The following DLGAP2 variants were observed in gnomAD, a reference collection of about 807,000 sequenced individuals.
DLGAP2 encodes DLG associated protein 2.
Under a neutral mutation model 100.3 loss-of-function variants are expected in DLGAP2, and 26 were observed. The ratio of observed to expected loss-of-function variants is 0.26; its 90% CI spans 0.19 to 0.36. DLGAP2 has a LOEUF of 0.36. DLGAP2 is among the 10% of genes least tolerant of loss of function. DLGAP2 has a pLI of 1.00. For synonymous variants in DLGAP2, 886 were observed against 630.1 expected (o/e 1.41, Z -6.08); for missense variants, 1,858 against 1,453.2 (o/e 1.28, Z -4.53).
At chr8:1,447,002 T>C (rs1401973211) in intron 3 of DLGAP2, among the ~76,000 whole-genome samples, 1 of 152,184 alleles carries the variant, frequency 6.6e-6, no homozygotes, top group African/African-American at 2.4e-5. Flanking sequence ...GCTGAGACAA[T>C]GGGGTTTTCT....
In DLGAP2 at chr8:770,885, TA is replaced by T. The variant is rs1821338461; in HGVS notation, c.18+33063del. On this transcript the variant is annotated intron_variant, in intron 1 of 14. Transcript: ENST00000637795. ...AGAAATTATGCCTCTTTTTTTTTTT[TA>T]AAGTAGAAGGACTCTTAGGGATGGA... Among the ~76,000 whole-genome samples the T allele has an allele frequency of 1.3e-5, 2 of 149,650 alleles. 1 individual carries two copies. The highest frequency in any genetic ancestry group is 1.3e-4 in the Admixed American group (2 of 14,904).
chr8:1,694,664 G>T (rs1361629781), intron 13 of DLGAP2, among the ~76,000 whole-genome samples: 1 of 152,104 alleles, frequency 6.6e-6, no homozygotes, highest in Non-Finnish European at 1.5e-5. Flanking sequence ...AACCCCGGGG[G>T]GTGTGTGCCT....
At chr8:1,202,548 C>G (rs139618869) in intron 2 of DLGAP2, among the ~76,000 whole-genome samples, 4 of 152,162 alleles carry the variant, frequency 2.6e-5, no homozygotes, top group Non-Finnish European at 4.4e-5. Context: ...AGTCCATTTT[C>G]TAATGCAGAG....
In DLGAP2 at chr8:1,027,962, T is replaced by A. The variant is rs538033340; in HGVS notation, c.73+119996T>A. On this transcript the variant is annotated intron_variant, in intron 2 of 14. Coordinates refer to ENST00000637795, the MANE Select transcript of DLGAP2 (RefSeq NM_001346810.2). ...CTCCAGGTGCGGTGCCAGGCGCTCG[T>A]TATTCTCTAGGTGGGGTGTCAGGCG... is the stretch of plus-strand genomic sequence containing the variant. Among the ~76,000 whole-genome samples, 4 of 145,214 alleles carry A rather than the reference T, an allele frequency of 2.8e-5. No homozygotes were observed. In the South Asian group the frequency reaches 6.8e-4, roughly 25 times the overall value.
intron 12 of DLGAP2, among the ~76,000 whole-genome samples, chr8:1,682,657 A>G (rs1190540268): frequency 2.0e-5 from 3 of 151,410 alleles, no homozygotes; most frequent in Non-Finnish European, 4.4e-5. Context: ...TATTTTTAGT[A>G]GAGATGGAGT....
chr8:1,492,161 G>A (rs1342939342), intron 3 of DLGAP2, among the ~76,000 whole-genome samples: 1 of 152,098 alleles, frequency 6.6e-6, no homozygotes, highest in Non-Finnish European at 1.5e-5. Context: ...CTTGATCCTC[G>A]GTCCAAAATA....
At chr8:1,572,668 T>G (rs1343517540) in intron 6 of DLGAP2, among the ~76,000 whole-genome samples, 2 of 94,146 alleles carry the variant, frequency 2.1e-5, no homozygotes, top group South Asian at 4.4e-4. Flanking sequence ...AGGGGCATCT[T>G]CTGGGATGGA....
chr8:1,644,938 T>C lies in DLGAP2; in HGVS notation c.1810+11892T>C, dbSNP rs183129275. Among the ~76,000 whole-genome samples, 116 of 151,636 alleles carry C rather than the reference T, an allele frequency of 7.6e-4. 1 individual carries two copies. The highest frequency in any genetic ancestry group is 8.0e-4 in the Non-Finnish European group (54 of 67,838). On this transcript the variant is annotated intron_variant, in intron 8 of 14. Transcript: ENST00000637795. ...CTCTCTTAGGGAAAAAAAACTAGAG[T>C]GATGCTTTTAAATGAAATTACTTGC...
intron 4 of DLGAP2, among the ~76,000 whole-genome samples, chr8:1,520,200 A>G (rs935102727): frequency 6.6e-6 from 1 of 152,234 alleles, no homozygotes; most frequent in Non-Finnish European, 1.5e-5. Context: ...TGGGGTGTCC[A>G]CAATGGCTGA....
rs116590564 is a variant in DLGAP2 at position 938,588 on chromosome 8, G to T, written c.73+30622G>T. Among the ~76,000 whole-genome samples the T allele has an allele frequency of 4.5e-3, 681 of 152,348 alleles. 3 individuals are homozygous for T. Among genetic ancestry groups the T allele is most frequent in the African/African-American group, 0.015 (639 of 41,596 alleles). On this transcript the variant is annotated intron_variant, in intron 2 of 14. Coordinates refer to ENST00000637795, the MANE Select transcript of DLGAP2 (RefSeq NM_001346810.2). ...GCCTCCCCTGCTCCCTGCAGAAGCA[G>T]TTCCTTATTCCTGACTGCAAGAAAG...
chr8:1,590,779 C>A (rs1331837464), intron 6 of DLGAP2, among the ~76,000 whole-genome samples: 2 of 152,164 alleles, frequency 1.3e-5, no homozygotes, highest in Non-Finnish European at 2.9e-5. Context: ...GACATTCCTT[C>A]CTCCCCATCC....
In DLGAP2 at chr8:1,462,462, G is replaced by A. The variant is rs1325257088; in HGVS notation, c.107-38904G>A. Among the ~76,000 whole-genome samples, 8 of 104,964 alleles carry A rather than the reference G, an allele frequency of 7.6e-5. 1 individual carries two copies. The highest frequency in any genetic ancestry group is 2.6e-4 in the African/African-American group (8 of 30,292). The allele number at this position is 104,964 out of a possible 152,430, so 68.9% of individuals were successfully genotyped here. Reference sequence around the variant, plus strand: ...TCGCTGATTTGGTGGCCAGGAGGAGGGAGAAGGGTGGCATTTGGGTTGGGA... The same window carrying A: ...TCGCTGATTTGGTGGCCAGGAGGAGAGAGAAGGGTGGCATTTGGGTTGGGA... On this transcript the variant is annotated intron_variant, in intron 3 of 14. Transcript: ENST00000637795.
At chr8:1,505,555 G>A (rs1343858248) in intron 4 of DLGAP2, among the ~76,000 whole-genome samples, 3 of 152,192 alleles carry the variant, frequency 2.0e-5, no homozygotes, top group Non-Finnish European at 2.9e-5. Context: ...CTCATAGAGT[G>A]TAATGTATGA....
At chr8:1,294,697 GAGTT>G (rs1176201456) in intron 3 of DLGAP2, among the ~76,000 whole-genome samples, 2 of 152,120 alleles carry the variant, frequency 1.3e-5, no homozygotes, top group Non-Finnish European at 1.5e-5. Flanking sequence ...ATGTGTGAGA[GAGTT>G]AGATTATAAA....
Position 1,343,926 on chromosome 8 carries a change from T to C in DLGAP2, c.106+85043T>C, listed in dbSNP as rs182205116. ...CGAGCTCCCTGCCAGGTGAGGTATA[T>C]CAGGGCTTTCCCTCCTGGCCGAGGG... On this transcript the variant is annotated intron_variant, in intron 3 of 14. Coordinates refer to ENST00000637795, the MANE Select transcript of DLGAP2 (RefSeq NM_001346810.2). Among the ~76,000 whole-genome samples, 619 of 152,298 alleles carry C rather than the reference T, an allele frequency of 4.1e-3. 2 individuals carry two copies. The highest frequency in any genetic ancestry group is 0.014 in the Middle Eastern group (4 of 294).
chr8:1,281,817 G>C (rs1311569530), intron 3 of DLGAP2, among the ~76,000 whole-genome samples: 4 of 152,176 alleles, frequency 2.6e-5, no homozygotes, highest in Non-Finnish European at 5.9e-5. Context: ...ACCAGCCTTT[G>C]ATCTGCAACG....
intron 6 of DLGAP2, among the ~76,000 whole-genome samples, chr8:1,614,154 A>G (rs1471146717): frequency 6.6e-6 from 1 of 152,164 alleles, no homozygotes; most frequent in Non-Finnish European, 1.5e-5. Context: ...GGATCATCAC[A>G]TACTTCTCAT....
chr8:1,508,767 A>G (rs926645396), intron 4 of DLGAP2, among the ~76,000 whole-genome samples: 1 of 151,412 alleles, frequency 6.6e-6, no homozygotes, highest in Non-Finnish European at 1.5e-5. Context: ...CGTTCCCTAA[A>G]AACACCGAGC....
At chr8:1,217,394 T>C (rs1798235986) in intron 2 of DLGAP2, among the ~76,000 whole-genome samples, 1 of 152,200 alleles carries the variant, frequency 6.6e-6, no homozygotes, top group Non-Finnish European at 1.5e-5. Context: ...TCTTTGCTAT[T>C]GTGAATAGTT....
Sources: gnomAD v4.1 joint callset for allele counts (sites outside exome capture counted in the v4.1 genomes callset) on GRCh38, gnomAD v4.1.1 for gene constraint, MANE v1.5 for transcripts, NCBI Gene and HGNC (gene_info 2026-07-23, HGNC 2026-07-21) for gene names.